The following FHIT variants were observed in gnomAD, a reference collection of about 807,000 sequenced individuals.
The protein encoded by FHIT is bis(5'-adenosyl)-triphosphatase.
FHIT carries 19 observed loss-of-function variants against 17.9 expected under a neutral mutation model. The ratio of observed to expected loss-of-function variants is 1.06; its 90% confidence interval spans 0.74 to 1.56. FHIT has a LOEUF of 1.56. Ranked by LOEUF, FHIT falls within the 40% of genes most tolerant of loss-of-function variation. FHIT has a pLI of 0.00. For synonymous variants in FHIT, 81 were observed against 69.7 expected, an observed-to-expected ratio of 1.16 and a Z score of -0.81; for missense variants, 248 against 189.2, an observed-to-expected ratio of 1.31 and a Z score of -1.82.
At chr3:60,584,082 A>T (rs9880898) in intron 4 of FHIT, among the ~76,000 whole-genome samples, 20,878 of 152,028 alleles carry the variant, frequency 0.14, 1,948 homozygotes, top group African/African-American at 0.26. Flanking sequence ...TCCTTAGAGA[A>T]AATAGCTCCA....
intron 8 of FHIT, among the ~76,000 whole-genome samples, chr3:59,814,394 A>G (rs545908074): frequency 2.6e-5 from 4 of 152,360 alleles, no homozygotes; most frequent in South Asian, 2.1e-4. Flanking sequence ...GGGTCAAGAC[A>G]GGTGTTTCCA....
At chr3:60,165,144 C>T (rs1169790799) in intron 5 of FHIT, among the ~76,000 whole-genome samples, 1 of 152,160 alleles carries the variant, frequency 6.6e-6, no homozygotes, top group East Asian at 1.9e-4. Flanking sequence ...ACAGGAACAG[C>T]AGGCTGTGAG....
intron 4 of FHIT, among the ~76,000 whole-genome samples, chr3:60,751,854 C>A (rs962302601): frequency 9.9e-5 from 15 of 151,820 alleles, no homozygotes; most frequent in African/African-American, 2.4e-4. Context: ...TATAAAAAAA[C>A]CAGAAACAAT....
At chr3:60,650,276 A>T (rs1311582530) in intron 4 of FHIT, among the ~76,000 whole-genome samples, 49 of 152,178 alleles carry the variant, frequency 3.2e-4, no homozygotes, top group African/African-American at 1.1e-3. Context: ...TCTTTGTCTT[A>T]GTTTCTTGTG....
rs142438309 is a variant in FHIT, at chr3:61,079,563, C to T, written c.-163-37464G>A. ...TACCAAAAAATATGCAAAATCTTCT[C>T]CTCCCTATTTATTACAAGTATATAC... On this transcript the variant is annotated intron_variant, in intron 2 of 9. Transcript: ENST00000492590. 2.7e-3 allele frequency among the ~76,000 whole-genome samples: 413 copies of T among 152,174 alleles called. 2 individuals are homozygous for T. Among genetic ancestry groups the T allele is most frequent in the African/African-American group, 9.2e-3 (380 of 41,530 alleles).
At chr3:60,851,522 A>T (rs953770535) in intron 3 of FHIT, among the ~76,000 whole-genome samples, 4 of 152,114 alleles carry the variant, frequency 2.6e-5, no homozygotes, top group Non-Finnish European at 5.9e-5. Context: ...TAACAGAATG[A>T]CCTATATTAT....
At chr3:59,973,862 GGTATAAT>G (rs1708292843) in intron 7 of FHIT, among the ~76,000 whole-genome samples, 1 of 152,010 alleles carries the variant, frequency 6.6e-6, no homozygotes, top group Non-Finnish European at 1.5e-5. Context: ...TGAAAATACA[GGTATAAT>G]GTTTAAAAGC....
At position 59,748,281 on chromosome 3, in the gene FHIT, A is replaced by G. The variant is rs759131177; in HGVS notation, c.*1304T>C. On this transcript the variant is annotated 3_prime_UTR_variant, in exon 10 of 10. Coordinates refer to ENST00000492590, the MANE Select transcript of FHIT (RefSeq NM_002012.4). ...ATAATGCTCTAGGTGGTCCACAAAG[A>G]TAAGAAAAATCATGACAAAATGGGA... Among the ~76,000 whole-genome samples, 2 of 152,174 alleles carry G rather than the reference A, an allele frequency of 1.3e-5. No individual in the cohort carries two copies. The highest frequency in any genetic ancestry group is 2.9e-5 in the Non-Finnish European group (2 of 68,030).
At chr3:60,359,546 T>C (rs1270299019) in intron 5 of FHIT, among the ~76,000 whole-genome samples, 1 of 152,180 alleles carries the variant, frequency 6.6e-6, no homozygotes, top group East Asian at 1.9e-4. Flanking sequence ...CCCAAAGTGC[T>C]GGGATTACAG....
At chr3:61,238,790 A>ATC (rs2040294730) in intron 1 of FHIT, among the ~76,000 whole-genome samples, 1 of 152,248 alleles carries the variant, frequency 6.6e-6, no homozygotes, top group South Asian at 2.1e-4. Flanking sequence ...ACCAATTAAA[A>ATC]GATCCCAAAC....
intron 3 of FHIT, among the ~76,000 whole-genome samples, chr3:60,924,720 C>T (rs968254690): frequency 3.3e-5 from 5 of 152,002 alleles, no homozygotes; most frequent in Admixed American, 2.0e-4. Flanking sequence ...ATGACTTTGA[C>T]GAGTTGAGAG....
chr3:59,814,847 G>GT (rs1042759223), intron 8 of FHIT, among the ~76,000 whole-genome samples: 3 of 151,912 alleles, frequency 2.0e-5, no homozygotes, highest in African/African-American at 7.3e-5. Context: ...TTGTCCTCCT[G>GT]TTCTCACAAA....
rs2042492491 is a variant in FHIT at position 60,752,670 on chromosome 3, A to G, written c.-18+69249T>C. Among the ~76,000 whole-genome samples the G allele has an allele frequency of 2.0e-5, 3 of 152,246 alleles. No homozygotes were observed. In the South Asian group the frequency reaches 6.2e-4, roughly 32 times the overall value. On this transcript the variant is annotated intron_variant, in intron 4 of 9. Coordinates refer to ENST00000492590, the MANE Select transcript of FHIT (RefSeq NM_002012.4). ...GCTGCTGTTTCCAAATCCAATCATG[A>G]GTGTTTGCTGTTGGAGCGCTTGGTG...
chr3:61,234,618 T>C (rs940469423), intron 1 of FHIT, among the ~76,000 whole-genome samples: 1 of 152,240 alleles, frequency 6.6e-6, no homozygotes, highest in Non-Finnish European at 1.5e-5. Flanking sequence ...CTATCATGAA[T>C]GGGTGAAATG....
intron 2 of FHIT, among the ~76,000 whole-genome samples, chr3:61,198,046 A>G (rs2038904011): frequency 6.6e-6 from 1 of 152,128 alleles, no homozygotes; most frequent in Non-Finnish European, 1.5e-5. Context: ...ATGATGAAAG[A>G]AAGTAATGAG....
chr3:60,094,029 C>G (rs1303066953), intron 5 of FHIT, among the ~76,000 whole-genome samples: 1 of 151,994 alleles, frequency 6.6e-6, no homozygotes, highest in Non-Finnish European at 1.5e-5. Context: ...CTAGGCAGAG[C>G]TGACTATATG....
intron 5 of FHIT, among the ~76,000 whole-genome samples, chr3:60,376,782 C>T (rs1039171666): frequency 6.6e-5 from 10 of 152,068 alleles, no homozygotes; most frequent in Admixed American, 4.6e-4. Flanking sequence ...TATTCTCTGC[C>T]ATCTTTGAAA....
At chr3:60,368,416 A>C (rs1280548778) in intron 5 of FHIT, among the ~76,000 whole-genome samples, 1 of 151,876 alleles carries the variant, frequency 6.6e-6, no homozygotes, top group Non-Finnish European at 1.5e-5. Flanking sequence ...TAATGGACTT[A>C]TTGGCATTTG....
chr3:60,090,926 A>G (rs1381461244), intron 5 of FHIT, among the ~76,000 whole-genome samples: 2 of 152,216 alleles, frequency 1.3e-5, no homozygotes, highest in African/African-American at 4.8e-5. Flanking sequence ...AAGTTGAAGC[A>G]GGTAAGAAAC....
Sources: gnomAD v4.1 joint callset for allele counts (sites outside exome capture counted in the v4.1 genomes callset) on GRCh38, gnomAD v4.1.1 for gene constraint, MANE v1.5 for transcripts, NCBI Gene and HGNC (gene_info 2026-07-23, HGNC 2026-07-21) for gene names.